The following ZNF423 variants were observed in gnomAD, a reference collection of about 807,000 sequenced individuals.
ZNF423 encodes Ebf-associated zinc finger protein.
ZNF423 carries 12 observed loss-of-function variants against 95.8 expected under a neutral mutation model. The observed-to-expected ratio is 0.13, with a 90% CI of 0.08 to 0.20. The LOEUF is 0.20. Ranked by LOEUF, ZNF423 falls within the 10% of genes least tolerant of loss-of-function variation. ZNF423 has a pLI of 1.00. For synonymous variants in ZNF423, 749 were observed against 711.9 expected (o/e 1.05, Z -0.83); for missense variants, 1,316 against 1,737.1 (o/e 0.76, Z 4.31).
chr16:49,539,439 G>T (rs1039617071), intron 5 of ZNF423, among the ~76,000 whole-genome samples: 1 of 152,180 alleles, frequency 6.6e-6, no homozygotes, highest in Non-Finnish European at 1.5e-5. Context: ...CACATGAACA[G>T]AAGTGCAGCC....
At chr16:49,712,021 G>A (rs1380127984) in intron 3 of ZNF423, 2 of 152,220 alleles carry the variant, frequency 1.3e-5, no homozygotes, top group Non-Finnish European at 2.9e-5. Flanking sequence ...CACCTGGGAG[G>A]CTGAGGCAGG....
At chr16:49,666,094 G>T (rs899779899) in intron 3 of ZNF423, among the ~76,000 whole-genome samples, 4 of 152,206 alleles carry the variant, frequency 2.6e-5, no homozygotes, top group Admixed American at 2.0e-4. Flanking sequence ...AGCGAAGGCC[G>T]GGGAGAGCTG....
At chr16:49,581,934 A>G (rs896215993) in intron 5 of ZNF423, among the ~76,000 whole-genome samples, 19 of 152,202 alleles carry the variant, frequency 1.2e-4, no homozygotes, top group African/African-American at 4.3e-4. Context: ...ACATTTCCCA[A>G]GCAATAACCA....
rs1237889339 is a variant in ZNF423, at chr16:49,523,664, G to A, written c.3809C>T (p.Ser1270Leu). The change falls in exon 7 of 8, where the codon TCA (serine) becomes TTA (leucine). Residue 1270 changes from serine (S) to leucine (L), a missense_variant. Ser to Leu is a moderately radical substitution (Grantham distance 145). Coordinates refer to ENST00000563137, the MANE Select transcript of ZNF423 (RefSeq NM_001379286.1). ...GAAGAAGAACTTCTGAGGGCACTGT[G>A]AGCAGTCGTAGATCTTGTCCTCCTG... is the stretch of plus-strand genomic sequence containing the variant. ...HGQEDKIYDC[S>L]QCPQKFFFQT... 1.2e-6 allele frequency: 2 copies of A among 1,614,086 alleles called. No homozygotes were observed. Among genetic ancestry groups the A allele is most frequent in the Non-Finnish European group, 1.7e-6 (2 of 1,180,042 alleles).
intron 3 of ZNF423, among the ~76,000 whole-genome samples, chr16:49,729,756 G>T (rs889481140): frequency 6.6e-6 from 1 of 151,914 alleles, no homozygotes; most frequent in African/African-American, 2.4e-5. Context: ...AGGCACAGAT[G>T]TCACTAGAGG....
intron 7 of ZNF423, among the ~76,000 whole-genome samples, chr16:49,513,093 G>A (rs1321985768): frequency 1.3e-5 from 2 of 152,106 alleles, no homozygotes; most frequent in South Asian, 4.2e-4. Context: ...GTGAGACTCT[G>A]TCTCAAAAAA....
At chr16:49,640,614 T>C (rs1396447940) in intron 3 of ZNF423, 6 of 129,978 alleles carry the variant, frequency 4.6e-5, no homozygotes, top group African/African-American at 1.8e-4. Flanking sequence ...GCAGCGCTGA[T>C]TGTGTGAAGA....
At chr16:49,834,022 C>A (rs1305388163) in intron 1 of ZNF423, among the ~76,000 whole-genome samples, 2 of 152,230 alleles carry the variant, frequency 1.3e-5, no homozygotes, top group Non-Finnish European at 2.9e-5. Flanking sequence ...AGGCGGCAGG[C>A]TTGGGGACCC....
intron 5 of ZNF423, among the ~76,000 whole-genome samples, chr16:49,542,448 T>C (rs1221080881): frequency 6.6e-6 from 1 of 152,226 alleles, no homozygotes; most frequent in Non-Finnish European, 1.5e-5. Context: ...GGCTGGTCCC[T>C]ATGGATGGCC....
At chr16:49,527,070 C>T (rs912124325) in intron 5 of ZNF423, among the ~76,000 whole-genome samples, 1 of 152,160 alleles carries the variant, frequency 6.6e-6, no homozygotes, top group African/African-American at 2.4e-5. Flanking sequence ...CCTGGCGAGT[C>T]CCTGGGTCCC....
At chr16:49,752,960 T>C (rs758227456) in intron 2 of ZNF423, among the ~76,000 whole-genome samples, 3 of 151,996 alleles carry the variant, frequency 2.0e-5, no homozygotes, top group Non-Finnish European at 4.4e-5. Flanking sequence ...CATCAGAAAA[T>C]CGACCAGGCA....
At chr16:49,499,863 A>G (rs1414683905) in intron 7 of ZNF423, among the ~76,000 whole-genome samples, 1 of 152,178 alleles carries the variant, frequency 6.6e-6, no homozygotes, top group East Asian at 1.9e-4. Context: ...TTAGGAGGGA[A>G]CCGAAGCCTT....
intron 3 of ZNF423, among the ~76,000 whole-genome samples, chr16:49,714,793 T>C (rs975513792): frequency 6.6e-6 from 1 of 151,720 alleles, no homozygotes; most frequent in African/African-American, 2.4e-5. Context: ...AAATGGGTGG[T>C]CTGAAATATG....
chr16:49,594,790 C>T (rs1217254370), intron 5 of ZNF423, among the ~76,000 whole-genome samples: 1 of 151,946 alleles, frequency 6.6e-6, no homozygotes, highest in Non-Finnish European at 1.5e-5. Flanking sequence ...ACACGGCCAA[C>T]AGCAGCAAGA....
At chr16:49,594,575 C>T (rs867456012) in intron 5 of ZNF423, among the ~76,000 whole-genome samples, 17 of 152,014 alleles carry the variant, frequency 1.1e-4, no homozygotes, top group African/African-American at 4.1e-4. Flanking sequence ...ACAGATAAAC[C>T]CACAGATCCA....
chr16:49,654,417 TG>T (rs1277242184), intron 3 of ZNF423, among the ~76,000 whole-genome samples: 1 of 152,210 alleles, frequency 6.6e-6, no homozygotes, highest in Non-Finnish European at 1.5e-5. Context: ...CAATACGTCC[TG>T]GGGGGCGTAG....
chr16:49,528,349 G>C (rs1427718756), intron 5 of ZNF423, among the ~76,000 whole-genome samples: 1 of 152,168 alleles, frequency 6.6e-6, no homozygotes, highest in African/African-American at 2.4e-5. Flanking sequence ...TATGTGCACA[G>C]TCAGGCAGCC....
Position 49,600,043 on chromosome 16 carries a change from G to A in ZNF423, c.3601+26127C>T, listed in dbSNP as rs914060631. Among the ~76,000 whole-genome samples, 6 of 151,022 alleles carry A rather than the reference G, an allele frequency of 4.0e-5. No individual in the cohort carries two copies. In the East Asian group the frequency reaches 5.8e-4, roughly 15 times the overall value. On this transcript the variant is annotated intron_variant, in intron 5 of 7. Transcript: ENST00000563137. ...CCTCAATTAAAAGGGGCAAGAGGCC[G>A]GGCGTGGTGGCTCACTCCTGTAATC... is the stretch of plus-strand genomic sequence containing the variant.
At chr16:49,749,008 G>C (rs1449158303) in intron 2 of ZNF423, among the ~76,000 whole-genome samples, 2 of 152,188 alleles carry the variant, frequency 1.3e-5, no homozygotes, top group Non-Finnish European at 2.9e-5. Flanking sequence ...TGGACAATGC[G>C]GTTTCTATGG....
Sources: gnomAD v4.1 joint callset for allele counts (sites outside exome capture counted in the v4.1 genomes callset) on GRCh38, gnomAD v4.1.1 for gene constraint, MANE v1.5 for transcripts, NCBI Gene and HGNC (gene_info 2026-07-23, HGNC 2026-07-21) for gene names.